The following FOXN3 variants were observed in gnomAD, a reference collection of about 807,000 sequenced individuals.
FOXN3 encodes the protein forkhead box protein N3.
In FOXN3, 7 loss-of-function variants were observed where a neutral mutation model predicts 38.4. The observed-to-expected ratio is 0.18, with a 90% CI of 0.10 to 0.34. FOXN3 has a LOEUF of 0.34. FOXN3 is among the 10% of genes least tolerant of loss of function. The pLI, the probability that FOXN3 is intolerant of heterozygous loss-of-function variation, is 1.00. For synonymous variants in FOXN3, 230 were observed against 242.2 expected (o/e 0.95, Z 0.47); for missense variants, 456 against 613.4 (o/e 0.74, Z 2.71).
chr14:89,384,771 G>A (rs943898843), intron 2 of FOXN3, among the ~76,000 whole-genome samples: 17 of 152,196 alleles, frequency 1.1e-4, no homozygotes, highest in Non-Finnish European at 2.9e-5. Context: ...ACTTCTTGGA[G>A]GCGATGATGG....
At position 89,415,544 on chromosome 14, in the gene FOXN3, A is replaced by C. The variant is rs373653362; in HGVS notation, c.-15+1327T>G. On this transcript the variant is annotated intron_variant, in intron 1 of 5. Transcript: ENST00000557258. ...TATAAATCCCGCATTTTATACCAACAGGGTGAAGAGCTGCTGATCACTACA... is the reference window on the plus strand; with the variant it reads ...TATAAATCCCGCATTTTATACCAACCGGGTGAAGAGCTGCTGATCACTACA... Among the ~76,000 whole-genome samples, 7 of 143,886 alleles carry C rather than the reference A, an allele frequency of 4.9e-5. No individual in the cohort carries two copies. In the East Asian group the frequency reaches 1.1e-3, roughly 22 times the overall value. 94.4% of individuals were successfully genotyped at this position (143,886 alleles called of 152,430 possible). A position where few individuals can be genotyped will look rare whatever the true frequency, so the allele number is the denominator to read the frequency against.
chr14:89,502,598 T>C (rs1437524391), intron 1 of FOXN3, among the ~76,000 whole-genome samples: 2 of 152,252 alleles, frequency 1.3e-5, no homozygotes, highest in African/African-American at 2.4e-5. Context: ...TTAGGCAGCA[T>C]TTTTTCTTCT....
At chr14:89,231,010 G>C in intron 4 of FOXN3, 1 of 354,806 alleles carries the variant, frequency 2.8e-6, no homozygotes, top group Non-Finnish European at 5.8e-6. Context: ...AGGACTTGAG[G>C]TTGATGATAA....
intron 3 of FOXN3, among the ~76,000 whole-genome samples, chr14:89,300,260 G>A (rs954289991): frequency 8.8e-5 from 12 of 136,882 alleles, no homozygotes; most frequent in Admixed American, 7.6e-4. Context: ...TTGGCTCATT[G>A]CAACCTCTAC....
At chr14:89,536,563 C>T (rs925206749) in intron 1 of FOXN3, among the ~76,000 whole-genome samples, 1 of 152,062 alleles carries the variant, frequency 6.6e-6, no homozygotes, top group Non-Finnish European at 1.5e-5. Flanking sequence ...GGGCGGATCA[C>T]GAGGTCAGGA....
intron 1 of FOXN3, among the ~76,000 whole-genome samples, chr14:89,605,279 A>G (rs901813978): frequency 2.6e-5 from 4 of 152,190 alleles, no homozygotes; most frequent in Non-Finnish European, 5.9e-5. Context: ...ATTGTTTGAG[A>G]GGAGAGGAAA....
At chr14:89,464,631 G>T (rs895933025) in intron 1 of FOXN3, among the ~76,000 whole-genome samples, 1 of 152,130 alleles carries the variant, frequency 6.6e-6, no homozygotes, top group Non-Finnish European at 1.5e-5. Context: ...TGTGTCACGG[G>T]AGGGACCAAG....
rs1021784642 is a variant in FOXN3, at chr14:89,484,441, C to T, written c.-14-71951G>A. 6.6e-6 allele frequency among the ~76,000 whole-genome samples: 1 copy of T among 152,220 alleles called. No individual in the cohort carries two copies. The highest frequency in any genetic ancestry group is 2.4e-5 in the African/African-American group (1 of 41,462). The stretch of plus-strand genomic sequence containing the variant: ...GTTTCAATAACATTTTATTTAGGGA[C>T]ACTGAAATTTGCATTCCATATACAT... On this transcript the variant is annotated intron_variant, in intron 1 of 6. Coordinates refer to the FOXN3 transcript ENST00000345097. This position sits in a 1 kb window ranked among gnomAD's most constrained non-coding sequence, Gnocchi z 4.0.
chr14:89,169,259 G>T (rs1887323989), intron 5 of FOXN3, among the ~76,000 whole-genome samples: 1 of 151,936 alleles, frequency 6.6e-6, no homozygotes, highest in African/African-American at 2.4e-5. Flanking sequence ...CCAGCAACAT[G>T]GTAAAACCCC....
At chr14:89,270,337 G>C (rs1399144210) in intron 4 of FOXN3, among the ~76,000 whole-genome samples, 1 of 152,206 alleles carries the variant, frequency 6.6e-6, no homozygotes, top group Non-Finnish European at 1.5e-5. Context: ...GTTGTCTGTC[G>C]GGGGTGGAAG....
At chr14:89,495,584 CACA>C (rs1893663566) in intron 1 of FOXN3, among the ~76,000 whole-genome samples, 1 of 152,170 alleles carries the variant, frequency 6.6e-6, no homozygotes, top group African/African-American at 2.4e-5. Flanking sequence ...TTTAACTAAT[CACA>C]ACCAGTACTC....
At chr14:89,291,735 G>C in intron 3 of FOXN3, 1 of 371,520 alleles carries the variant, frequency 2.7e-6, no homozygotes, top group Admixed American at 3.6e-5. Context: ...CCATTCAGTT[G>C]GGACTTCATT....
At chr14:89,304,446 G>A (rs1188227038) in intron 3 of FOXN3, among the ~76,000 whole-genome samples, 1 of 152,182 alleles carries the variant, frequency 6.6e-6, no homozygotes, top group Non-Finnish European at 1.5e-5. Context: ...TGGTGGAGGT[G>A]GGGGCAGGAG....
intron 1 of FOXN3, among the ~76,000 whole-genome samples, chr14:89,454,015 AG>A (rs1892671671): frequency 2.0e-5 from 3 of 152,164 alleles, no homozygotes; most frequent in Non-Finnish European, 4.4e-5. Context: ...AAGAAGAAGA[AG>A]AAGAAGGACT....
chr14:89,226,761 T>C (rs10146602), intron 4 of FOXN3, among the ~76,000 whole-genome samples: 8,814 of 152,170 alleles, frequency 0.058, 276 homozygotes, highest in African/African-American at 0.075. Context: ...GCCCCTAATC[T>C]AATATAAGCA....
chr14:89,159,708 T>C lies in FOXN3; in HGVS notation c.*2706A>G, dbSNP rs1887054339. On this transcript the variant is annotated 3_prime_UTR_variant, in exon 6 of 6. Coordinates refer to ENST00000557258, the MANE Select transcript of FOXN3 (RefSeq NM_005197.4). Reference sequence around the variant, plus strand: ...TATCATCTGTGGGGTGGGATGAAGGTGGGGGACTGAGCTGGAGGTCTTTAG... The same window carrying C: ...TATCATCTGTGGGGTGGGATGAAGGCGGGGGACTGAGCTGGAGGTCTTTAG... The C allele has an allele frequency of 6.6e-6, 1 of 152,248 alleles. No individual in the cohort carries two copies. The highest frequency in any genetic ancestry group is 6.6e-5 in the Admixed American group (1 of 15,258). 9.4% of individuals were successfully genotyped at this position (152,248 alleles called of 1,614,324 possible).
intron 4 of FOXN3, among the ~76,000 whole-genome samples, chr14:89,193,546 G>A (rs1888020499): frequency 6.6e-6 from 1 of 151,984 alleles, no homozygotes; most frequent in Non-Finnish European, 1.5e-5. Context: ...CCCACCTTCT[G>A]TTATTCATCA....
chr14:89,465,186 T>C (rs1229338030), intron 1 of FOXN3, among the ~76,000 whole-genome samples: 1 of 151,730 alleles, frequency 6.6e-6, no homozygotes, highest in Non-Finnish European at 1.5e-5. Context: ...ATTAAACCTC[T>C]TTCCTTTATA....
chr14:89,547,792 G>T (rs923040906), intron 1 of FOXN3, among the ~76,000 whole-genome samples: 1 of 152,160 alleles, frequency 6.6e-6, no homozygotes, highest in Non-Finnish European at 1.5e-5. Context: ...AATGTTTGTT[G>T]AATGATCACT....
Sources: gnomAD v4.1 joint callset for allele counts (sites outside exome capture counted in the v4.1 genomes callset) on GRCh38, gnomAD v4.1.1 for gene constraint, Gnocchi (gnomAD v3.1) non-coding constraint, MANE v1.5 for transcripts, NCBI Gene and HGNC (gene_info 2026-07-23, HGNC 2026-07-21) for gene names.